Variants in AGPAT2 observed in about 807,000 individuals in gnomAD.
AGPAT2 encodes the protein 1-acyl-sn-glycerol-3-phosphate acyltransferase beta.
AGPAT2 carries 18 observed loss-of-function variants against 26.1 expected under a neutral mutation model. The ratio of observed to expected loss-of-function variants is 0.69; its 90% CI spans 0.48 to 1.02. AGPAT2 has a LOEUF of 1.02. Ranked by LOEUF, AGPAT2 falls within the 50% of genes least tolerant of loss-of-function variation. The pLI, the probability that AGPAT2 is intolerant of heterozygous loss-of-function variation, is 0.00. For synonymous variants in AGPAT2, 200 were observed against 174.2 expected (o/e 1.15, Z -1.16); for missense variants, 415 against 394.9 (o/e 1.05, Z -0.43).
chr9:136,677,171 G>A, intron 2 of AGPAT2, 35 bp from the exon 3 acceptor site: 1 of 1,609,582 alleles, frequency 6.2e-7, no homozygotes, highest in Non-Finnish European at 8.5e-7. Context: ...GAGAGAGAGG[G>A]GGAGACAGCG....
At chr9:136,680,651 A>G (rs1423103602) in intron 1 of AGPAT2, among the ~76,000 whole-genome samples, 1 of 152,096 alleles carries the variant, frequency 6.6e-6, no homozygotes, top group Non-Finnish European at 1.5e-5. Context: ...ATCTGAAATT[A>G]TTAAAAAATA....
rs527949890 is a variant in AGPAT2 at position 136,684,853 on chromosome 9, GT to G, written c.182+2322del. Among the ~76,000 whole-genome samples, 128 of 152,302 alleles carry G rather than the reference GT, an allele frequency of 8.4e-4. 1 individual carries two copies. In the Middle Eastern group the frequency reaches 0.02, roughly 24 times the overall value. ...CCTGTTCCTGAGGCTGGAGGCACCC[GT>G]GGCGTACAGCAGGAACAGAGGCCGA... On this transcript the variant is annotated intron_variant, in intron 1 of 5. Coordinates refer to ENST00000371696, the MANE Select transcript of AGPAT2 (RefSeq NM_006412.4).
intron 1 of AGPAT2, among the ~76,000 whole-genome samples, chr9:136,684,031 A>G (rs2131019984): frequency 6.6e-6 from 1 of 152,336 alleles, no homozygotes; most frequent in East Asian, 1.9e-4. Flanking sequence ...CACAACCACT[A>G]GGTCCCGGCC....
intron 4 of AGPAT2, among the ~76,000 whole-genome samples, chr9:136,675,362 G>A (rs34212534): frequency 4.4e-5 from 5 of 114,868 alleles, no homozygotes; most frequent in African/African-American, 1.2e-4. Flanking sequence ...GGAAGGGAGG[G>A]GGCCAGCAGG....
At chr9:136,677,745 A>T (rs1320769939) in intron 1 of AGPAT2, among the ~76,000 whole-genome samples, 189 bp from the exon 2 acceptor site, 1 of 152,142 alleles carries the variant, frequency 6.6e-6, no homozygotes, top group Non-Finnish European at 1.5e-5. Flanking sequence ...ACCCACCTGG[A>T]CGGCTGCCCT....
In AGPAT2 at chr9:136,687,328, C is replaced by G. The variant is rs749524883; in HGVS notation, c.30G>C (p.Ala10=). The G allele has an allele frequency of 6.4e-7, 1 of 1,562,912 alleles. No individual in the cohort carries two copies. Among genetic ancestry groups the G allele is most frequent in the Non-Finnish European group, 8.6e-7 (1 of 1,161,656 alleles). Residue 10 remains alanine (A), a synonymous_variant, in exon 1 of 6, where the codon GCG becomes GCC. Transcript: ENST00000371696. ...GCACCAGCAGCAGCAGCAACAGCAG[C>G]GCCGCGGCCAGACACGGCCACAGCT... is the stretch of plus-strand genomic sequence containing the variant. MELWPCLAA[A]LLLLLLLVQL...
Position 136,673,654 on chromosome 9 carries a change from A to C in AGPAT2, c.*98T>G. 1 of 1,308,774 alleles carries C rather than the reference A, an allele frequency of 7.6e-7. No homozygotes were observed. The highest frequency in any genetic ancestry group is 1.0e-6 in the Non-Finnish European group (1 of 976,026). 81.1% of individuals were successfully genotyped at this position (1,308,774 alleles called of 1,614,324 possible). A position where few individuals can be genotyped will look rare whatever the true frequency, so the allele number is the denominator to read the frequency against. The stretch of plus-strand genomic sequence containing the variant: ...TGAGTGAGAGCTGGGGGAGCCGGAC[A>C]GAGTGGTATTTGGAAGCCGGGAGGA... On this transcript the variant is annotated 3_prime_UTR_variant, in exon 6 of 6. Coordinates refer to ENST00000371696, the MANE Select transcript of AGPAT2 (RefSeq NM_006412.4).
chr9:136,679,650 C>T (rs904293255), intron 1 of AGPAT2, among the ~76,000 whole-genome samples: 1 of 152,234 alleles, frequency 6.6e-6, no homozygotes, highest in African/African-American at 2.4e-5. Context: ...CAACAGGAAA[C>T]ACAGAACTGT....
rs1261291174 is a variant in AGPAT2, at chr9:136,676,946, G to A, written c.492+15C>T. Reference sequence around the variant, plus strand: ...CCCCACCCCAACCCCACCGAGCCCGGCCCTGCACACTCACGTTCTCCCTGA... The same window carrying A: ...CCCCACCCCAACCCCACCGAGCCCGACCCTGCACACTCACGTTCTCCCTGA... On this transcript the variant is annotated intron_variant, in intron 3 of 5. Transcript: ENST00000371696. 6.4e-7 allele frequency: 1 copy of A among 1,573,074 alleles called. No homozygotes were observed. Among genetic ancestry groups the A allele is most frequent in the Non-Finnish European group, 8.7e-7 (1 of 1,155,226 alleles).
At chr9:136,676,938 C>A in intron 3 of AGPAT2, 23 bp downstream of exon 3, 1 of 1,610,352 alleles carries the variant, frequency 6.2e-7, no homozygotes. Context: ...CCAACCCCAC[C>A]GAGCCCGGCC....
At position 136,674,074 on chromosome 9, in the gene AGPAT2, G is replaced by C. The variant is rs547267027; in HGVS notation, c.662-147C>G. 66 of 757,196 alleles carry C rather than the reference G, an allele frequency of 8.7e-5. No individual in the cohort carries two copies. In the African/African-American group the frequency reaches 1.1e-3, roughly 12 times the overall value. The allele number at this position is 757,196 out of a possible 1,614,324, so 46.9% of individuals were successfully genotyped here. ...CTCTTCCCCTGGACTCCCTAGCCGT[G>C]GTGGGTTATTTTAATTGCAGTAACG... On this transcript the variant is annotated intron_variant, in intron 5 of 5. Transcript: ENST00000371696.
chr9:136,684,016 G>C (rs995145042), intron 1 of AGPAT2, among the ~76,000 whole-genome samples: 1 of 152,220 alleles, frequency 6.6e-6, no homozygotes, highest in Non-Finnish European at 1.5e-5. Flanking sequence ...GCAGCCAGGA[G>C]CTGCCACAAC....
Position 136,683,203 on chromosome 9 carries a change from GCGAGAC to G in AGPAT2, c.182+3967_182+3972del, listed in dbSNP as rs544534821. ...GTTTAAGACCAACCTGGGCAACAGA[GCGAGAC>G]CTTGTCTCAAAAAATAAAAAAAAAA... On this transcript the variant is annotated intron_variant, in intron 1 of 5. Transcript: ENST00000371696. Among the ~76,000 whole-genome samples, 485 of 152,166 alleles carry G rather than the reference GCGAGAC, an allele frequency of 3.2e-3. 2 individuals carry two copies. The highest frequency in any genetic ancestry group is 4.8e-3 in the Non-Finnish European group (323 of 67,998).
chr9:136,673,648 C>G lies in AGPAT2; in HGVS notation c.*104G>C. 1 of 1,273,422 alleles carries G rather than the reference C, an allele frequency of 7.9e-7. No individual in the cohort carries two copies. Among genetic ancestry groups the G allele is most frequent in the South Asian group, 1.6e-5 (1 of 61,786 alleles). 78.9% of individuals were successfully genotyped at this position (1,273,422 alleles called of 1,614,324 possible). A position where few individuals can be genotyped will look rare whatever the true frequency, so the allele number is the denominator to read the frequency against. On this transcript the variant is annotated 3_prime_UTR_variant, in exon 6 of 6. Transcript: ENST00000371696. Reference sequence around the variant, plus strand: ...CCGGGCTGAGTGAGAGCTGGGGGAGCCGGACAGAGTGGTATTTGGAAGCCG... The same window carrying G: ...CCGGGCTGAGTGAGAGCTGGGGGAGGCGGACAGAGTGGTATTTGGAAGCCG...
rs559609913 is a variant in AGPAT2 at position 136,681,439 on chromosome 9, T to C, written c.183-3883A>G. The stretch of plus-strand genomic sequence containing the variant: ...CACCAGCCACGTGAGGCCACCGCAC[T>C]TCCCCCGCGGTGTCCCGTACATAGT... On this transcript the variant is annotated intron_variant, in intron 1 of 5. Transcript: ENST00000371696. Among the ~76,000 whole-genome samples, 16 of 152,360 alleles carry C rather than the reference T, an allele frequency of 1.1e-4. No homozygotes were observed. The South Asian group carries it at 3.1e-3, about 30-fold the overall frequency.
chr9:136,676,719 G>A lies in AGPAT2; in HGVS notation c.493-39C>T, dbSNP rs781188847. ...AGAGCCTGGACTGACCTCACGCCCA[G>A]GCCACCCCAGAAAGGCCACGCCGCC... On this transcript the variant is annotated intron_variant, in intron 3 of 5. Coordinates refer to ENST00000371696, the MANE Select transcript of AGPAT2 (RefSeq NM_006412.4). The A allele has an allele frequency of 4.4e-6, 7 of 1,592,530 alleles. No homozygotes were observed. The East Asian group carries it at 6.7e-5, about 15-fold the overall frequency.
At chr9:136,682,836 G>T (rs770737107) in intron 1 of AGPAT2, among the ~76,000 whole-genome samples, 2 of 152,172 alleles carry the variant, frequency 1.3e-5, no homozygotes, top group Non-Finnish European at 2.9e-5. Context: ...GACCGCCTGA[G>T]CTCAGCCCCC....
chr9:136,687,232 G>A lies in AGPAT2; in HGVS notation c.126C>T (p.Ala42=), dbSNP rs774979928. 1.9e-6 allele frequency: 3 copies of A among 1,594,460 alleles called. No homozygotes were observed. The highest frequency in any genetic ancestry group is 2.6e-6 in the Non-Finnish European group (3 of 1,174,480). Residue 42 remains alanine, a synonymous_variant, in exon 1 of 6, where the codon GCC becomes GCT. Coordinates refer to ENST00000371696, the MANE Select transcript of AGPAT2 (RefSeq NM_006412.4). ...LYCALCFTVS[A]VASLVCLLRH... ...GCAGCAGGCAGACGAGCGAGGCCACGGCGGACACCGTGAAGCACAGCGCGC... is the reference window on the plus strand; with the variant it reads ...GCAGCAGGCAGACGAGCGAGGCCACAGCGGACACCGTGAAGCACAGCGCGC...
At chr9:136,686,174 C>T (rs983435225) in intron 1 of AGPAT2, among the ~76,000 whole-genome samples, 1 of 152,258 alleles carries the variant, frequency 6.6e-6, no homozygotes, top group Admixed American at 6.5e-5. Context: ...AGTGCCCTCC[C>T]AGGGCTGGCA....
Sources: gnomAD v4.1 joint callset for allele counts (sites outside exome capture counted in the v4.1 genomes callset) on GRCh38, gnomAD v4.1.1 for gene constraint, MANE v1.5 for transcripts, NCBI Gene and HGNC (gene_info 2026-07-23, HGNC 2026-07-21) for gene names.